KANK1: variants seen among roughly 807,000 people sequenced by gnomAD.
The protein encoded by KANK1 is KN motif and ankyrin repeat domain-containing protein 1.
KANK1 carries 109 observed loss-of-function variants against 106.2 expected under a neutral mutation model. The observed-to-expected ratio is 1.03, with a 90% CI of 0.88 to 1.20. The LOEUF is 1.20. Among genes scored for constraint, KANK1 ranks in the 50% most tolerant of loss-of-function variants. KANK1 has a pLI of 0.00. For synonymous variants in KANK1, 873 were observed against 652.2 expected, an observed-to-expected ratio of 1.34 and a Z score of -5.16; for missense variants, 2,399 against 1,710.7, an observed-to-expected ratio of 1.40 and a Z score of -7.10.
At chr9:643,463 G>A (rs1838932831) in intron 1 of KANK1, among the ~76,000 whole-genome samples, 1 of 149,750 alleles carries the variant, frequency 6.7e-6, no homozygotes, top group African/African-American at 2.5e-5. Flanking sequence ...CAAGCTCTAG[G>A]GGCCTCCTCC....
At chr9:531,342 G>T (rs1172992069) in intron 1 of KANK1, among the ~76,000 whole-genome samples, 2 of 151,522 alleles carry the variant, frequency 1.3e-5, no homozygotes, top group Non-Finnish European at 2.9e-5. Context: ...GAGGTGCGAG[G>T]GTTGCTTAAA....
chr9:711,920 G>C lies in KANK1; in HGVS notation c.1154G>C (p.Ser385Thr). Residue 385 changes from serine (S) to threonine (T), a missense_variant, in exon 3 of 12, where the codon AGC becomes ACC. By Grantham distance (58) the Ser-to-Thr change is moderately conservative (BLOSUM62 1). Transcript: ENST00000382297. ...QALEQKIQDS[S>T]CEASSELREN... ...CTGGAGCAGAAGATCCAGGACAGCA[G>C]CTGTGAGGCCTCCTCAGAGCTCAGG... 6.2e-7 allele frequency: 1 copy of C among 1,614,196 alleles called. No individual in the cohort carries two copies. The highest frequency in any genetic ancestry group is 8.5e-7 in the Non-Finnish European group (1 of 1,180,032).
chr9:649,898 C>T (rs1174734653), intron 1 of KANK1, among the ~76,000 whole-genome samples: 1 of 152,272 alleles, frequency 6.6e-6, no homozygotes, highest in East Asian at 1.9e-4. Flanking sequence ...CTCTACATTG[C>T]AGCTTCTCTG....
At chr9:734,720 A>C in intron 6 of KANK1, 28 bp from the exon 7 acceptor site, 1 of 1,463,746 alleles carries the variant, frequency 6.8e-7, no homozygotes, top group Non-Finnish European at 9.6e-7. Context: ...TCTTGTGACC[A>C]ATCGTAACTT....
intron 3 of KANK1, among the ~76,000 whole-genome samples, chr9:722,987 G>A (rs958895562): frequency 3.3e-5 from 5 of 152,160 alleles, no homozygotes; most frequent in African/African-American, 9.7e-5. Context: ...GGTTGGAATG[G>A]TATCATAGAA....
intron 10 of KANK1, among the ~76,000 whole-genome samples, chr9:744,033 G>A (rs1204475202): frequency 2.0e-5 from 3 of 152,152 alleles, no homozygotes; most frequent in African/African-American, 2.4e-5. Flanking sequence ...CACTGGGATT[G>A]CGTGCTTACA....
chr9:565,079 A>G (rs1817490547), intron 1 of KANK1, among the ~76,000 whole-genome samples: 1 of 152,236 alleles, frequency 6.6e-6, no homozygotes, highest in South Asian at 2.1e-4. Flanking sequence ...GTGACTTTAG[A>G]AACAGAAAAA....
intron 1 of KANK1, among the ~76,000 whole-genome samples, chr9:590,418 C>A (rs796488120): frequency 6.6e-6 from 1 of 152,116 alleles, no homozygotes; most frequent in Non-Finnish European, 1.5e-5. Context: ...CTCTCCATTT[C>A]CTCCTTTACC....
At chr9:727,880 A>T (rs898358466) in intron 3 of KANK1, among the ~76,000 whole-genome samples, 1 of 152,210 alleles carries the variant, frequency 6.6e-6, no homozygotes, top group Admixed American at 6.6e-5. Context: ...TAAGCCCCCT[A>T]ACCAACGGAA....
chr9:681,944 G>C (rs1029781867), intron 2 of KANK1, among the ~76,000 whole-genome samples: 3 of 152,014 alleles, frequency 2.0e-5, no homozygotes, highest in African/African-American at 7.3e-5. Context: ...TTTTCAGACA[G>C]ATACATATTT....
At chr9:598,151 C>A (rs1406735597) in intron 1 of KANK1, among the ~76,000 whole-genome samples, 1 of 151,514 alleles carries the variant, frequency 6.6e-6, no homozygotes, top group Non-Finnish European at 1.5e-5. Flanking sequence ...GGTCTTTGTA[C>A]CCTTGTTAAA....
At chr9:683,513 A>G (rs537973927) in intron 2 of KANK1, among the ~76,000 whole-genome samples, 163 of 152,348 alleles carry the variant, frequency 1.1e-3, no homozygotes, top group Non-Finnish European at 2.1e-3. Flanking sequence ...TGACTAAGCC[A>G]GAAGTTGGAC....
At chr9:525,186 G>A (rs1245794693) in intron 1 of KANK1, among the ~76,000 whole-genome samples, 1 of 150,734 alleles carries the variant, frequency 6.6e-6, no homozygotes, top group Non-Finnish European at 1.5e-5. Flanking sequence ...GTAGAGACGG[G>A]GTTTTGCCAT....
rs1370798136 is a variant in KANK1 at position 722,746 on chromosome 9, C to G, written c.2699-7305C>G. On this transcript the variant is annotated intron_variant, in intron 3 of 11. Transcript: ENST00000382297. ...GAATTTAATGAGGTTCTTTTCCTTA[C>G]CAGTTAAGCCTCAGTAGAATCCTCA... Among the ~76,000 whole-genome samples, 3 of 152,166 alleles carry G rather than the reference C, an allele frequency of 2.0e-5. No homozygotes were observed. The East Asian group carries it at 5.8e-4, about 29-fold the overall frequency.
Position 520,078 on chromosome 9 carries a change from C to T in KANK1, c.-84+15324C>T. On this transcript the variant is annotated intron_variant, in intron 1 of 11. Coordinates refer to ENST00000382297, the MANE Select transcript of KANK1 (RefSeq NM_015158.5). Reference sequence around the variant, plus strand: ...CATAGCCGGGTGCGGTGGCTCACACCTGTAATCCCAGCACTTTGGGAGGCT... The same window carrying T: ...CATAGCCGGGTGCGGTGGCTCACACTTGTAATCCCAGCACTTTGGGAGGCT... 1.3e-5 allele frequency among the ~76,000 whole-genome samples: 2 copies of T among 151,768 alleles called. 1 individual carries two copies. The highest frequency in any genetic ancestry group is 3.8e-4 in the East Asian group (2 of 5,208).
intron 1 of KANK1, among the ~76,000 whole-genome samples, chr9:648,038 G>T (rs2137434390): frequency 7.8e-6 from 1 of 128,566 alleles, no homozygotes; most frequent in East Asian, 2.2e-4. Context: ...GTCTTGCTCT[G>T]TCGCCAGGCT....
chr9:586,059 T>G (rs923629931), intron 1 of KANK1, among the ~76,000 whole-genome samples: 4 of 152,214 alleles, frequency 2.6e-5, no homozygotes, highest in Non-Finnish European at 4.4e-5. Flanking sequence ...TATTGTTGAG[T>G]ACCTGCTGTG....
At chr9:717,592 G>A (rs1033449843) in intron 3 of KANK1, among the ~76,000 whole-genome samples, 1 of 152,068 alleles carries the variant, frequency 6.6e-6, no homozygotes, top group African/African-American at 2.4e-5. Flanking sequence ...TTTAATTCCT[G>A]ATAGTATGAG....
At chr9:598,401 C>A (rs1264343186) in intron 1 of KANK1, among the ~76,000 whole-genome samples, 2 of 151,168 alleles carry the variant, frequency 1.3e-5, no homozygotes, top group Non-Finnish European at 1.5e-5. Flanking sequence ...GCAAAAAGGG[C>A]TGTTGGAGTT....
Sources: gnomAD v4.1 joint callset for allele counts (sites outside exome capture counted in the v4.1 genomes callset) on GRCh38, gnomAD v4.1.1 for gene constraint, MANE v1.5 for transcripts, NCBI Gene and HGNC (gene_info 2026-07-23, HGNC 2026-07-21) for gene names.